The following ATRNL1 variants were observed in gnomAD, a reference collection of about 807,000 sequenced individuals.
ATRNL1 encodes the protein attractin like 1, also known as attractin-like protein 1.
In ATRNL1, 95 loss-of-function variants were observed where a neutral mutation model predicts 182.7. That is an observed-to-expected ratio of 0.52 (90% CI 0.44 to 0.62). The LOEUF (loss-of-function observed/expected upper bound fraction) is 0.62, where lower values mean the gene tolerates loss of function less well. Ranked by LOEUF, ATRNL1 falls within the 20% of genes least tolerant of loss-of-function variation. ATRNL1 has a pLI of 0.00. For missense variants in ATRNL1, 1,471 were observed against 1,679.5 expected, an observed-to-expected ratio of 0.88 and a Z score of 2.17; for synonymous variants, 576 against 568.3, an observed-to-expected ratio of 1.01 and a Z score of -0.19.
intron 27 of ATRNL1, among the ~76,000 whole-genome samples, chr10:115,771,989 T>C (rs782790686): frequency 2.0e-4 from 31 of 152,212 alleles, no homozygotes; most frequent in Non-Finnish European, 3.8e-4. Flanking sequence ...AGCTGAAGGC[T>C]AGTGTTGACT....
chr10:115,746,602 T>G (rs918280694), intron 27 of ATRNL1, among the ~76,000 whole-genome samples: 6 of 152,038 alleles, frequency 3.9e-5, no homozygotes, highest in Non-Finnish European at 8.8e-5. Context: ...TATAATATAT[T>G]TTTGAGTTAC....
At chr10:115,754,014 A>C (rs782274184) in intron 27 of ATRNL1, among the ~76,000 whole-genome samples, 17 of 151,610 alleles carry the variant, frequency 1.1e-4, no homozygotes, top group Non-Finnish European at 2.4e-4. Flanking sequence ...CCCACTTTTT[A>C]ATGGGGTTGT....
chr10:115,224,683 T>A (rs1849622689), intron 9 of ATRNL1, among the ~76,000 whole-genome samples: 1 of 150,536 alleles, frequency 6.6e-6, no homozygotes, highest in Non-Finnish European at 1.5e-5. Context: ...TAAAAGTTAG[T>A]AAGAACATAT....
intron 26 of ATRNL1, among the ~76,000 whole-genome samples, chr10:115,674,911 A>G (rs1408446153): frequency 1.3e-5 from 2 of 152,094 alleles, no homozygotes; most frequent in African/African-American, 2.4e-5. Context: ...AAAATACCAC[A>G]TCTTTATGAA....
At chr10:115,116,090 G>A (rs1844473671) in intron 1 of ATRNL1, among the ~76,000 whole-genome samples, 1 of 152,074 alleles carries the variant, frequency 6.6e-6, no homozygotes, top group South Asian at 2.1e-4. Context: ...TGGCCAGATG[G>A]TCTCTGTTGC....
At chr10:115,363,240 G>A (rs1199194899) in intron 19 of ATRNL1, among the ~76,000 whole-genome samples, 5 of 152,130 alleles carry the variant, frequency 3.3e-5, no homozygotes, top group Non-Finnish European at 5.9e-5. Context: ...GTATCTCATT[G>A]TGGTTTTGAT....
intron 28 of ATRNL1, among the ~76,000 whole-genome samples, chr10:115,862,005 G>T (rs1212286175): frequency 6.6e-6 from 1 of 152,102 alleles, no homozygotes; most frequent in South Asian, 2.1e-4. Flanking sequence ...CTTTAAGCAG[G>T]ATCAGAGCCC....
At chr10:115,758,722 G>A (rs1948656439) in intron 27 of ATRNL1, among the ~76,000 whole-genome samples, 1 of 152,300 alleles carries the variant, frequency 6.6e-6, no homozygotes, top group South Asian at 2.1e-4. Context: ...CTGAAGCTGT[G>A]CCCACAGCCG....
intron 19 of ATRNL1, among the ~76,000 whole-genome samples, chr10:115,381,432 A>ATTTTTTTT (rs375127246): frequency 0.028 from 1,937 of 68,508 alleles, 335 homozygotes; most frequent in Middle Eastern, 0.048. Context: ...ATACCTGGCA[A>ATTTTTTTT]TTTTTTTTTT....
In ATRNL1 at chr10:115,947,651, C is replaced by T. The variant is rs531903453; in HGVS notation, c.*2872C>T. Reference sequence around the variant, plus strand: ...TTCAGTAGGAAAACTTCAAATAGTTCGTATTTAAAAAGGTAATTGATCCTT... The same window carrying T: ...TTCAGTAGGAAAACTTCAAATAGTTTGTATTTAAAAAGGTAATTGATCCTT... On this transcript the variant is annotated 3_prime_UTR_variant, in exon 29 of 29. Transcript: ENST00000355044. 3.3e-5 allele frequency: 5 copies of T among 152,650 alleles called. No homozygotes were observed. In the East Asian group the frequency reaches 5.8e-4, roughly 18 times the overall value. 9.5% of individuals were successfully genotyped at this position (152,650 alleles called of 1,614,324 possible). A position where few individuals can be genotyped will look rare whatever the true frequency, so the allele number is the denominator to read the frequency against.
chr10:115,819,616 T>A (rs531631007), intron 27 of ATRNL1, among the ~76,000 whole-genome samples: 95 of 152,260 alleles, frequency 6.2e-4, no homozygotes, highest in Admixed American at 8.5e-4. Flanking sequence ...TCTTTTATAC[T>A]TTTAACATAC....
rs560451904 is a variant in ATRNL1, at chr10:115,285,996, A to C, written c.2234-220A>C. Among the ~76,000 whole-genome samples, 11 of 152,154 alleles carry C rather than the reference A, an allele frequency of 7.2e-5. No homozygotes were observed. In the South Asian group the frequency reaches 2.3e-3, roughly 32 times the overall value. On this transcript the variant is annotated intron_variant, in intron 14 of 28. Coordinates refer to ENST00000355044, the MANE Select transcript of ATRNL1 (RefSeq NM_207303.4). ...TCAACACATTTAACAGATGTCATAG[A>C]GCCATAATTTATCTCATGTTTAAGA...
At chr10:115,217,514 A>C (rs1849280094) in intron 9 of ATRNL1, among the ~76,000 whole-genome samples, 10 of 152,208 alleles carry the variant, frequency 6.6e-5, no homozygotes, top group Admixed American at 6.5e-4. Flanking sequence ...ATCTTAATGA[A>C]AGTGAATGGA....
At chr10:115,147,371 C>G (rs1554879638) in intron 5 of ATRNL1, among the ~76,000 whole-genome samples, 2 of 151,828 alleles carry the variant, frequency 1.3e-5, no homozygotes, top group African/African-American at 2.4e-5. Flanking sequence ...ATTTTAGGTC[C>G]CTGTCAGTAA....
intron 19 of ATRNL1, among the ~76,000 whole-genome samples, chr10:115,393,978 T>C (rs1554954919): frequency 6.6e-6 from 1 of 152,062 alleles, no homozygotes; most frequent in Non-Finnish European, 1.5e-5. Flanking sequence ...TAAAAAGATC[T>C]AAAAGGATAC....
At chr10:115,628,132 G>A (rs1370071340) in intron 26 of ATRNL1, among the ~76,000 whole-genome samples, 6 of 143,954 alleles carry the variant, frequency 4.2e-5, no homozygotes, top group African/African-American at 1.0e-4. Context: ...GGGCAACAGA[G>A]CAAGACTCTG....
chr10:115,236,796 T>G (rs1292319853), intron 9 of ATRNL1, among the ~76,000 whole-genome samples: 1 of 152,218 alleles, frequency 6.6e-6, no homozygotes. Context: ...ACTTTTGTGC[T>G]GTATATTCTA....
In ATRNL1 at chr10:115,812,703, C is replaced by T. The variant is rs373023156; in HGVS notation, c.3904-35174C>T. The stretch of plus-strand genomic sequence containing the variant: ...ATGCTAGCCAGGCTGCCTCAAACTC[C>T]TGACCTCTGTTGATCCACCCACCTC... On this transcript the variant is annotated intron_variant, in intron 27 of 28. Transcript: ENST00000355044. Among the ~76,000 whole-genome samples, 6 of 152,190 alleles carry T rather than the reference C, an allele frequency of 3.9e-5. No homozygotes were observed. In the South Asian group the frequency reaches 1.0e-3, roughly 26 times the overall value.
intron 25 of ATRNL1, among the ~76,000 whole-genome samples, chr10:115,546,681 G>A (rs1192007606): frequency 1.3e-5 from 2 of 152,034 alleles, no homozygotes; most frequent in African/African-American, 4.8e-5. Context: ...TAGCATTCTG[G>A]GCTAGGAAAA....
Sources: allele counts gnomAD v4.1 joint callset (sites outside exome capture counted in the v4.1 genomes callset), GRCh38; gene constraint gnomAD v4.1.1; transcripts MANE v1.5; gene names NCBI Gene and HGNC (gene_info 2026-07-23, HGNC 2026-07-21).